OTOGL: variants seen among roughly 807,000 people sequenced by gnomAD.
OTOGL encodes otogelin like.
A neutral mutation model predicts 318.5 loss-of-function variants in OTOGL; 285 were observed. That is an observed-to-expected ratio of 0.89 (90% CI 0.81 to 0.99). The LOEUF (loss-of-function observed/expected upper bound fraction) is 0.99, where lower values mean the gene tolerates loss of function less well. Among genes scored for constraint, OTOGL ranks in the 50% least tolerant of loss-of-function variants. OTOGL has a pLI of 0.00. For missense variants in OTOGL, 2,899 were observed against 2,845.6 expected, an observed-to-expected ratio of 1.02 and a Z score of -0.43; for synonymous variants, 987 against 936.5, an observed-to-expected ratio of 1.05 and a Z score of -0.99.
chr12:80,193,999 C>T lies in OTOGL; in HGVS notation c.-19-15414C>T, dbSNP rs74108549. ...ATGGCACAGAACAAAATTGGATAAG[C>T]AGTGTAGTGGACCTTTGTTGTTTTA... On this transcript the variant is annotated intron_variant, in intron 1 of 58. Coordinates refer to ENST00000547103, the MANE Select transcript of OTOGL (RefSeq NM_001378609.3). Among the ~76,000 whole-genome samples, 787 of 152,250 alleles carry T rather than the reference C, an allele frequency of 5.2e-3. 7 individuals are homozygous for T. The highest frequency in any genetic ancestry group is 0.018 in the African/African-American group (752 of 41,542).
chr12:80,132,318 G>T (rs1469364261), intron 1 of OTOGL, among the ~76,000 whole-genome samples: 1 of 152,046 alleles, frequency 6.6e-6, no homozygotes, highest in Non-Finnish European at 1.5e-5. Context: ...TTTATCAGAT[G>T]TAGTCTTATA....
chr12:80,103,382 G>C, intron 1 of OTOGL: 1 of 927,142 alleles, frequency 1.1e-6, no homozygotes, highest in Non-Finnish European at 1.7e-6. Flanking sequence ...TTTCTTGCAG[G>C]CTTCACATTC....
intron 1 of OTOGL, among the ~76,000 whole-genome samples, chr12:80,163,787 A>G (rs1173260683): frequency 1.3e-5 from 2 of 152,164 alleles, no homozygotes; most frequent in Non-Finnish European, 2.9e-5. Flanking sequence ...GAGGAGCAAG[A>G]GAGCAAGCCC....
At chr12:80,344,822 G>A (rs942628891) in intron 44 of OTOGL, among the ~76,000 whole-genome samples, 1 of 104,830 alleles carries the variant, frequency 9.5e-6, no homozygotes, top group Non-Finnish European at 2.4e-5. Context: ...TCTTCACAAG[G>A]AACATCTTGC....
At chr12:80,103,357 T>C in intron 1 of OTOGL, 2 of 1,178,334 alleles carry the variant, frequency 1.7e-6, no homozygotes, top group Non-Finnish European at 2.5e-6. Context: ...GCTTCGGTGA[T>C]CGATCTTCTT....
At chr12:80,345,024 TTA>T (rs1889073379) in intron 44 of OTOGL, among the ~76,000 whole-genome samples, 2 of 93,374 alleles carry the variant, frequency 2.1e-5, no homozygotes, top group South Asian at 3.3e-4. Context: ...ATATTATATT[TTA>T]TATATTATAA....
chr12:80,115,333 T>C (rs1156600656), intron 1 of OTOGL, among the ~76,000 whole-genome samples: 1 of 151,696 alleles, frequency 6.6e-6, no homozygotes, highest in African/African-American at 2.4e-5. Context: ...TTGTAATTTT[T>C]CCTTCTAACA....
intron 1 of OTOGL, among the ~76,000 whole-genome samples, chr12:80,149,649 G>C (rs1315313176): frequency 6.6e-6 from 1 of 152,004 alleles, no homozygotes; most frequent in African/African-American, 2.4e-5. Context: ...GGGCAATGGC[G>C]GGCGCCCCTC....
At chr12:80,149,495 T>A (rs1210147763) in intron 1 of OTOGL, among the ~76,000 whole-genome samples, 1 of 152,162 alleles carries the variant, frequency 6.6e-6, no homozygotes, top group Non-Finnish European at 1.5e-5. Context: ...GACATTTAAG[T>A]CTGCAGAGGT....
At chr12:80,149,693 C>G (rs1289146993) in intron 1 of OTOGL, among the ~76,000 whole-genome samples, 1 of 152,232 alleles carries the variant, frequency 6.6e-6, no homozygotes, top group Non-Finnish European at 1.5e-5. Context: ...AGTTTGATCT[C>G]AGACTGCTGT....
At chr12:80,115,659 C>T (rs1401045144) in intron 1 of OTOGL, among the ~76,000 whole-genome samples, 2 of 152,202 alleles carry the variant, frequency 1.3e-5, no homozygotes, top group Non-Finnish European at 1.5e-5. Flanking sequence ...CCGTTGCTTC[C>T]CCCCAGGTGC....
intron 42 of OTOGL, among the ~76,000 whole-genome samples, chr12:80,338,486 GT>G (rs984477138): frequency 9.9e-5 from 15 of 152,046 alleles, no homozygotes; most frequent in African/African-American, 2.9e-4. Flanking sequence ...TTAAAGCACC[GT>G]TTTTCAAAGT....
rs765437712 is a variant in OTOGL, at chr12:80,238,931, C to A, written c.898C>A (p.Pro300Thr). 7 of 1,596,358 alleles carry A rather than the reference C, an allele frequency of 4.4e-6. No individual in the cohort carries two copies. The highest frequency in any genetic ancestry group is 5.9e-6 in the Non-Finnish European group (7 of 1,178,468). Residue 300 changes from proline to threonine, a missense_variant, in exon 10 of 59, where the codon CCC (proline) becomes ACC (threonine). Physicochemically the swap from Pro to Thr is conservative, Grantham distance 38. This residue lies in a region of OTOGL where 2,607 missense variants were observed against 2,524.9 expected (regional missense o/e 1.03). Coordinates refer to ENST00000547103, the MANE Select transcript of OTOGL (RefSeq NM_001378609.3). ...TPDDTKCVLT[P>T]SDFPNPCSSG... ...AGATGACACCAAATGTGTACTCACA[C>A]CCTCAGATTTTCCAAATCCGTGCTC...
Position 80,106,496 on chromosome 12 carries a change from A to T in OTOGL, c.-20+6891A>T, listed in dbSNP as rs1292901951. Among the ~76,000 whole-genome samples, 3 of 151,882 alleles carry T rather than the reference A, an allele frequency of 2.0e-5. No individual in the cohort carries two copies. The East Asian group carries it at 5.8e-4, about 29-fold the overall frequency. ...TTTTTTTCTTGATATATTTTTTGGT[A>T]ATTCCTTTTCTGTTCTTCTCCATAT... On this transcript the variant is annotated intron_variant, in intron 1 of 58. Transcript: ENST00000547103.
At chr12:80,156,409 G>A (rs144923163) in intron 1 of OTOGL, among the ~76,000 whole-genome samples, 14 of 152,130 alleles carry the variant, frequency 9.2e-5, no homozygotes, top group South Asian at 4.1e-4. Context: ...ATAAACTCCC[G>A]TTTATATATA....
chr12:80,337,367 G>A (rs1192499393), intron 42 of OTOGL, among the ~76,000 whole-genome samples: 2 of 152,006 alleles, frequency 1.3e-5, no homozygotes, highest in Admixed American at 1.3e-4. Flanking sequence ...AAGCATAGTA[G>A]CCAAGAACAC....
chr12:80,334,598 T>A (rs987538803), intron 38 of OTOGL, among the ~76,000 whole-genome samples: 1 of 152,030 alleles, frequency 6.6e-6, no homozygotes, highest in African/African-American at 2.4e-5. Flanking sequence ...ATGACAGACA[T>A]GCAAATAATG....
chr12:80,282,254 A>G (rs1475508360), intron 26 of OTOGL, among the ~76,000 whole-genome samples: 1 of 151,862 alleles, frequency 6.6e-6, no homozygotes, highest in Non-Finnish European at 1.5e-5. Flanking sequence ...CTTTTATATT[A>G]TTAGAGGTTT....
At chr12:80,347,906 G>T (rs546396102) in intron 44 of OTOGL, among the ~76,000 whole-genome samples, 1 of 152,138 alleles carries the variant, frequency 6.6e-6, no homozygotes, top group East Asian at 1.9e-4. Flanking sequence ...TTTGTTGGCC[G>T]CATAAATGTC....
Sources: gnomAD v4.1 joint callset for allele counts (sites outside exome capture counted in the v4.1 genomes callset) on GRCh38, gnomAD v4.1.1 for gene constraint, gnomAD v4.1.1 regional missense constraint, MANE v1.5 for transcripts, NCBI Gene and HGNC (gene_info 2026-07-23, HGNC 2026-07-21) for gene names.